Variants in MLLT3 observed in about 807,000 individuals in gnomAD.
MLLT3 encodes MLLT3 super elongation complex subunit.
MLLT3 carries 4 observed loss-of-function variants against 53.2 expected under a neutral mutation model. The observed-to-expected ratio is 0.08, with a 90% confidence interval of 0.04 to 0.17. The LOEUF (loss-of-function observed/expected upper bound fraction) is 0.17. Among genes scored for constraint, MLLT3 ranks in the 10% least tolerant of loss-of-function variants. The pLI, the probability that MLLT3 is intolerant of heterozygous loss-of-function variation, is 1.00. For synonymous variants in MLLT3, 283 were observed against 230.6 expected (o/e 1.23, Z -2.06); for missense variants, 569 against 684.0 (o/e 0.83, Z 1.87).
At chr9:20,508,629 T>C (rs992461823) in intron 2 of MLLT3, among the ~76,000 whole-genome samples, 2 of 152,176 alleles carry the variant, frequency 1.3e-5, no homozygotes, top group Non-Finnish European at 2.9e-5. Context: ...TCAGACTTCA[T>C]ACAATTCAAG....
chr9:20,410,948 T>C (rs1488002852), intron 5 of MLLT3, among the ~76,000 whole-genome samples: 1 of 152,202 alleles, frequency 6.6e-6, no homozygotes, highest in African/African-American at 2.4e-5. Context: ...CTGCCCATTA[T>C]GTCTAAAATC....
Position 20,346,123 on chromosome 9 carries a change from C to T in MLLT3, c.*320G>A, listed in dbSNP as rs560536599. On this transcript the variant is annotated 3_prime_UTR_variant, in exon 11 of 11. Transcript: ENST00000380338. Reference sequence around the variant, plus strand: ...CCACAGAGAGATACATGATACCATACACATTCTTTGAGTTTTCTTGTGTTG... The same window carrying T: ...CCACAGAGAGATACATGATACCATATACATTCTTTGAGTTTTCTTGTGTTG... 2 of 316,528 alleles carry T rather than the reference C, an allele frequency of 6.3e-6. No individual in the cohort carries two copies. The highest frequency in any genetic ancestry group is 5.9e-6 in the Non-Finnish European group (1 of 169,550). 19.6% of individuals were successfully genotyped at this position (316,528 alleles called of 1,614,324 possible).
chr9:20,444,704 T>A (rs1216157485), intron 4 of MLLT3, among the ~76,000 whole-genome samples: 2 of 151,890 alleles, frequency 1.3e-5, no homozygotes, highest in African/African-American at 4.8e-5. Context: ...AAAACCTGTC[T>A]CTACAAAAAA....
At chr9:20,471,811 G>T (rs1011464198) in intron 2 of MLLT3, among the ~76,000 whole-genome samples, 1 of 151,172 alleles carries the variant, frequency 6.6e-6, no homozygotes, top group African/African-American at 2.4e-5. Flanking sequence ...ACATAATTCT[G>T]CCCCTAAGGA....
intron 5 of MLLT3, among the ~76,000 whole-genome samples, chr9:20,406,851 T>C (rs1822590609): frequency 6.6e-6 from 1 of 152,232 alleles, no homozygotes; most frequent in Admixed American, 6.5e-5. Context: ...TCCTGCTTAA[T>C]AGCAGGATCT....
At chr9:20,552,781 A>C (rs1432479509) in intron 2 of MLLT3, among the ~76,000 whole-genome samples, 2 of 152,178 alleles carry the variant, frequency 1.3e-5, no homozygotes, top group Non-Finnish European at 2.9e-5. Context: ...AAGTTTAAGA[A>C]GTCAAATATA....
intron 2 of MLLT3, among the ~76,000 whole-genome samples, chr9:20,481,580 A>T (rs1242566222): frequency 6.6e-6 from 1 of 152,178 alleles, no homozygotes; most frequent in Non-Finnish European, 1.5e-5. Context: ...ACTGTGACTG[A>T]GGAACCTACT....
intron 3 of MLLT3, among the ~76,000 whole-genome samples, chr9:20,453,664 A>T (rs1237048102): frequency 1.3e-5 from 2 of 152,196 alleles, no homozygotes; most frequent in African/African-American, 2.4e-5. Flanking sequence ...ATATGCTCTT[A>T]TACTAAATAC....
chr9:20,446,456 C>T (rs947184207), intron 4 of MLLT3, among the ~76,000 whole-genome samples: 1 of 152,132 alleles, frequency 6.6e-6, no homozygotes, highest in East Asian at 1.9e-4. Flanking sequence ...ACCTCTCTTC[C>T]AGCTCACAGG....
At chr9:20,435,390 T>G (rs1823376622) in intron 4 of MLLT3, among the ~76,000 whole-genome samples, 1 of 152,062 alleles carries the variant, frequency 6.6e-6, no homozygotes, top group South Asian at 2.1e-4. Flanking sequence ...CCAATCCTAT[T>G]AAAAGATGAG....
At position 20,346,390 on chromosome 9, in the gene MLLT3, A is replaced by AC; in HGVS notation, c.*52_*53insG. 1 of 1,471,502 alleles carries AC rather than the reference A, an allele frequency of 6.8e-7. No individual in the cohort carries two copies. 91.2% of individuals were successfully genotyped at this position (1,471,502 alleles called of 1,614,324 possible). ...CAAAAAATCACAACCAAAAAAAAAA[A>AC]AAACCAAAAAAAAAAAACACAATAG... On this transcript the variant is annotated 3_prime_UTR_variant, in exon 11 of 11. Coordinates refer to ENST00000380338, the MANE Select transcript of MLLT3 (RefSeq NM_004529.4).
At chr9:20,609,102 CTATT>C (rs774459903) in intron 2 of MLLT3, among the ~76,000 whole-genome samples, 35 of 151,894 alleles carry the variant, frequency 2.3e-4, no homozygotes, top group Non-Finnish European at 1.6e-4. Flanking sequence ...AAGAAAATTC[CTATT>C]TATTTGCAGC....
In MLLT3 at chr9:20,353,600, A is replaced by C. The variant is rs1821091357; in HGVS notation, c.1504-4T>G. On this transcript the variant is annotated splice_region_variant and splice_polypyrimidine_tract_variant and intron_variant, in intron 9 of 10. Transcript: ENST00000380338. ...CTACCAGTTCATCTAGGTATGCCTG[A>C]AAGAGAAGAATGTCCCCGAAAAGGA... 2 of 1,613,120 alleles carry C rather than the reference A, an allele frequency of 1.2e-6. No homozygotes were observed. Among genetic ancestry groups the C allele is most frequent in the South Asian group, 2.2e-5 (2 of 91,060 alleles).
chr9:20,422,174 T>C (rs535517563), intron 4 of MLLT3, among the ~76,000 whole-genome samples: 1 of 152,156 alleles, frequency 6.6e-6, no homozygotes, highest in Non-Finnish European at 1.5e-5. Context: ...CAAAACAATA[T>C]ATGTGGCCAG....
chr9:20,469,030 TAAATA>T (rs944182405), intron 2 of MLLT3, among the ~76,000 whole-genome samples: 4 of 152,184 alleles, frequency 2.6e-5, no homozygotes, highest in South Asian at 2.1e-4. Context: ...AAAGGAATAC[TAAATA>T]AAACAGGAAA....
chr9:20,456,844 T>C, intron 2 of MLLT3, 58 bp from the exon 3 acceptor site: 1 of 1,307,696 alleles, frequency 7.6e-7, no homozygotes, highest in Non-Finnish European at 1.1e-6. Context: ...AAGACATTCT[T>C]CTTTTAAAAA....
chr9:20,497,036 T>C (rs957238558), intron 2 of MLLT3, among the ~76,000 whole-genome samples: 2 of 152,226 alleles, frequency 1.3e-5, no homozygotes, highest in Non-Finnish European at 2.9e-5. Context: ...TAATAACTCA[T>C]TGGAGTTCTT....
At chr9:20,485,159 T>G (rs1166046610) in intron 2 of MLLT3, among the ~76,000 whole-genome samples, 1 of 152,036 alleles carries the variant, frequency 6.6e-6, no homozygotes, top group Admixed American at 6.6e-5. Context: ...CAGCTAATTT[T>G]TGTATTTTCA....
chr9:20,571,794 T>C (rs1023004270), intron 2 of MLLT3, among the ~76,000 whole-genome samples: 1 of 152,226 alleles, frequency 6.6e-6, no homozygotes, highest in African/African-American at 2.4e-5. Flanking sequence ...TCACTAATCA[T>C]TGTGGAAATG....
Sources: gnomAD v4.1 joint callset for allele counts (sites outside exome capture counted in the v4.1 genomes callset) on GRCh38, gnomAD v4.1.1 for gene constraint, MANE v1.5 for transcripts, NCBI Gene and HGNC (gene_info 2026-07-23, HGNC 2026-07-21) for gene names.